Variants in RBMS3 observed in about 807,000 individuals in gnomAD.
The protein encoded by RBMS3 is RNA-binding motif, single-stranded-interacting protein 3.
Under a neutral mutation model 66.8 loss-of-function variants are expected in RBMS3, and 27 were observed. That is an observed-to-expected ratio of 0.40 (90% confidence interval 0.30 to 0.56). The LOEUF (loss-of-function observed/expected upper bound fraction) is 0.56, where lower values mean the gene tolerates loss of function less well. Among genes scored for constraint, RBMS3 ranks in the 20% least tolerant of loss-of-function variants. RBMS3 has a pLI of 0.40. For synonymous variants in RBMS3, 188 were observed against 183.0 expected, an observed-to-expected ratio of 1.03 and a Z score of -0.22; for missense variants, 513 against 549.5, an observed-to-expected ratio of 0.93 and a Z score of 0.66.
chr3:29,379,529 C>T lies in RBMS3; in HGVS notation c.76-55214C>T, dbSNP rs189633149. Among the ~76,000 whole-genome samples, 401 of 152,228 alleles carry T rather than the reference C, an allele frequency of 2.6e-3. 2 individuals carry two copies. Among genetic ancestry groups the T allele is most frequent in the Non-Finnish European group, 4.1e-3 (277 of 68,012 alleles). On this transcript the variant is annotated intron_variant, in intron 1 of 14. Transcript: ENST00000383767. ...CAATCATGGCAAAAGGTGAAAGGCACGTCTCACATGGCGGCAGTGCAGGGA... is the reference window on the plus strand; with the variant it reads ...CAATCATGGCAAAAGGTGAAAGGCATGTCTCACATGGCGGCAGTGCAGGGA...
chr3:29,294,446 GAA>G (rs202223715), intron 1 of RBMS3, among the ~76,000 whole-genome samples: 64 of 145,388 alleles, frequency 4.4e-4, no homozygotes, highest in African/African-American at 1.5e-3. Flanking sequence ...TAGAAAAAAA[GAA>G]AAAAAAAACA....
intron 2 of RBMS3, among the ~76,000 whole-genome samples, chr3:29,441,517 T>C (rs1303413889): frequency 4.6e-5 from 7 of 152,162 alleles, no homozygotes; most frequent in African/African-American, 1.7e-4. Context: ...AAGAAACTTG[T>C]TCAAATTTAT....
chr3:29,578,596 T>C (rs887991505), intron 3 of RBMS3, among the ~76,000 whole-genome samples: 1 of 152,018 alleles, frequency 6.6e-6, no homozygotes, highest in African/African-American at 2.4e-5. Flanking sequence ...AGTGCACAAT[T>C]GTAGTTAGAT....
chr3:29,330,175 T>C (rs2035570896), intron 1 of RBMS3, among the ~76,000 whole-genome samples: 1 of 152,106 alleles, frequency 6.6e-6, no homozygotes, highest in Non-Finnish European at 1.5e-5. Flanking sequence ...TGCTAATTTT[T>C]GACCCCTAAA....
intron 12 of RBMS3, among the ~76,000 whole-genome samples, chr3:29,983,349 TG>T (rs1698137629): frequency 6.6e-6 from 1 of 151,234 alleles, no homozygotes; most frequent in Non-Finnish European, 1.5e-5. Context: ...AGCACACCAA[TG>T]GGTCTTACTC....
At chr3:29,795,918 C>T (rs2057166093) in intron 6 of RBMS3, among the ~76,000 whole-genome samples, 1 of 152,184 alleles carries the variant, frequency 6.6e-6, no homozygotes, top group East Asian at 1.9e-4. Flanking sequence ...TTGAATAAAA[C>T]ACAGTTCCTA....
At position 29,475,483 on chromosome 3, in the gene RBMS3, C is replaced by T. The variant is rs181998036; in HGVS notation, c.249-12958C>T. Among the ~76,000 whole-genome samples, 456 of 152,222 alleles carry T rather than the reference C, an allele frequency of 3.0e-3. 2 individuals carry two copies. Among genetic ancestry groups the T allele is most frequent in the Non-Finnish European group, 4.9e-3 (335 of 68,002 alleles). ...CAGGCTGGTCACGAACCCTTGAGCTCAGGCAATCCGTCCAGCTCAGCCTCC... is the reference window on the plus strand; with the variant it reads ...CAGGCTGGTCACGAACCCTTGAGCTTAGGCAATCCGTCCAGCTCAGCCTCC... On this transcript the variant is annotated intron_variant, in intron 2 of 14. Coordinates refer to ENST00000383767, the MANE Select transcript of RBMS3 (RefSeq NM_001003793.3).
At chr3:29,483,315 A>C (rs2043209172) in intron 2 of RBMS3, among the ~76,000 whole-genome samples, 1 of 151,360 alleles carries the variant, frequency 6.6e-6, no homozygotes, top group South Asian at 2.1e-4. Context: ...TTAACAAAAA[A>C]AAAAAAAAAA....
chr3:29,437,607 T>G (rs573203858), intron 2 of RBMS3, among the ~76,000 whole-genome samples: 2 of 152,304 alleles, frequency 1.3e-5, no homozygotes, highest in East Asian at 3.9e-4. Context: ...ATTTATTGCT[T>G]AGATTATTTT....
At chr3:29,418,255 A>G (rs966103796) in intron 1 of RBMS3, among the ~76,000 whole-genome samples, 3 of 152,196 alleles carry the variant, frequency 2.0e-5, no homozygotes, top group Non-Finnish European at 4.4e-5. Context: ...TCAAGATAAA[A>G]TAAGTGCAGA....
chr3:29,847,037 T>C (rs4680860), intron 6 of RBMS3, among the ~76,000 whole-genome samples: 82,704 of 152,030 alleles, frequency 0.54, 23,057 homozygotes, highest in Non-Finnish European at 0.62. Flanking sequence ...TATCGCATGA[T>C]ACACGATAAC....
chr3:29,882,036 C>T (rs2149575418), intron 7 of RBMS3, among the ~76,000 whole-genome samples: 1 of 152,228 alleles, frequency 6.6e-6, no homozygotes, highest in South Asian at 2.1e-4. Flanking sequence ...GTAAAGCCCA[C>T]CTGTTTTATT....
At chr3:29,358,563 T>A (rs1158045296) in intron 1 of RBMS3, among the ~76,000 whole-genome samples, 1 of 120,728 alleles carries the variant, frequency 8.3e-6, no homozygotes, top group Non-Finnish European at 1.9e-5. Flanking sequence ...TTTAAAGTAG[T>A]TTTTTCCAAT....
chr3:29,551,643 A>C (rs2046182968), intron 3 of RBMS3, among the ~76,000 whole-genome samples: 1 of 152,214 alleles, frequency 6.6e-6, no homozygotes. Flanking sequence ...TCTTGTTCTT[A>C]TTGAAATGTG....
At chr3:29,479,908 A>T (rs1201149208) in intron 2 of RBMS3, among the ~76,000 whole-genome samples, 1 of 152,230 alleles carries the variant, frequency 6.6e-6, no homozygotes, top group Non-Finnish European at 1.5e-5. Flanking sequence ...ATGTCACATC[A>T]GTTGAAGCGT....
chr3:29,741,473 T>C (rs2054644300), intron 5 of RBMS3, among the ~76,000 whole-genome samples: 1 of 152,254 alleles, frequency 6.6e-6, no homozygotes, highest in South Asian at 2.1e-4. Context: ...TGTCATGTTT[T>C]ACTTTACATA....
At chr3:29,311,752 A>G (rs1368222115) in intron 1 of RBMS3, among the ~76,000 whole-genome samples, 1 of 151,800 alleles carries the variant, frequency 6.6e-6, no homozygotes, top group Non-Finnish European at 1.5e-5. Context: ...GAATAGCGGA[A>G]GAGAAGATTA....
At position 29,868,904 on chromosome 3, in the gene RBMS3, G is replaced by A; in HGVS notation, c.684G>A (p.Lys228=). The change falls in exon 7 of 15, where the codon AAG becomes AAA. Residue 228 remains lysine (K), a synonymous_variant. Transcript: ENST00000383767. ...GCAAATTCGCTGATGGAGGACAAAA[G>A]AAGCGACAGAATCAAAGCAAATATA... is the stretch of plus-strand genomic sequence containing the variant. ...LLCKFADGGQ[K]KRQNQSKYTQ... The A allele has an allele frequency of 6.2e-7, 1 of 1,604,840 alleles. No homozygotes were observed. Among genetic ancestry groups the A allele is most frequent in the South Asian group, 1.1e-5 (1 of 89,104 alleles).
intron 4 of RBMS3, among the ~76,000 whole-genome samples, chr3:29,688,881 T>C (rs6549952): frequency 0.58 from 87,938 of 151,674 alleles, 25,641 homozygotes; most frequent in African/African-American, 0.63. Flanking sequence ...GTGCCTGGCC[T>C]AGGATATTTC....
Sources: allele counts gnomAD v4.1 joint callset (sites outside exome capture counted in the v4.1 genomes callset), GRCh38; gene constraint gnomAD v4.1.1; transcripts MANE v1.5; gene names NCBI Gene and HGNC (gene_info 2026-07-23, HGNC 2026-07-21).